The following RABGAP1 variants were observed in gnomAD, a reference collection of about 807,000 sequenced individuals.
RABGAP1 encodes the protein RAB GTPase activating protein 1, also known as rab GTPase-activating protein 1.
In RABGAP1, 23 loss-of-function variants were observed where a neutral mutation model predicts 137.6. The observed-to-expected ratio is 0.17, with a 90% CI of 0.12 to 0.24. RABGAP1 has a LOEUF of 0.24. Among genes scored for constraint, RABGAP1 ranks in the 10% least tolerant of loss-of-function variants. The pLI is 1.00. For missense variants in RABGAP1, 906 were observed against 1,275.8 expected, an observed-to-expected ratio of 0.71 and a Z score of 4.42; for synonymous variants, 451 against 450.7, an observed-to-expected ratio of 1.00 and a Z score of -0.01.
chr9:122,938,809 C>G (rs1286014804), upstream of RABGAP1: 3 of 152,166 alleles, frequency 2.0e-5, no homozygotes, highest in Non-Finnish European at 4.4e-5. Flanking sequence ...ACTGAGTCTT[C>G]AAATATAACT....
chr9:123,079,656 TCTC>T (rs1242510359), intron 19 of RABGAP1, among the ~76,000 whole-genome samples: 2 of 152,150 alleles, frequency 1.3e-5, no homozygotes, highest in East Asian at 3.9e-4. Flanking sequence ...GTTTCCCCCT[TCTC>T]CTTCCAATTC....
intron 25 of RABGAP1, among the ~76,000 whole-genome samples, chr9:123,102,089 GT>G: frequency 6.6e-6 from 1 of 152,266 alleles, no homozygotes; most frequent in South Asian, 2.1e-4. Flanking sequence ...TACATCTCAG[GT>G]TCCTTATCTA....
intron 11 of RABGAP1, among the ~76,000 whole-genome samples, chr9:123,013,077 T>C (rs1329274553): frequency 6.6e-6 from 1 of 152,184 alleles, no homozygotes; most frequent in Non-Finnish European, 1.5e-5. Flanking sequence ...ACACAGATTT[T>C]AAACTACTAC....
Position 122,997,356 on chromosome 9 carries a change from C to G in RABGAP1, c.1199C>G (p.Pro400Arg). The G allele has an allele frequency of 6.3e-7, 1 of 1,596,326 alleles. No individual in the cohort carries two copies. Among genetic ancestry groups the G allele is most frequent in the Non-Finnish European group, 8.6e-7 (1 of 1,167,502 alleles). Residue 400 changes from proline (P) to arginine (R), a missense_variant, in exon 9 of 26, where the codon CCT (proline) becomes CGT (arginine). Transcript: ENST00000373647. ...TTTCAAGTTGTAAATGAAGAAACTC[C>G]TAAAGGTGATACAGATTGTTGACAT... is the stretch of plus-strand genomic sequence containing the variant. ...PHFQVVNEET[P>R]KDKVLFMTTA... is the part of the protein sequence containing the mutation.
intron 10 of RABGAP1, among the ~76,000 whole-genome samples, 172 bp downstream of exon 10, chr9:122,998,938 C>T (rs1006298781): frequency 2.0e-5 from 3 of 152,088 alleles, no homozygotes; most frequent in African/African-American, 2.4e-5. Context: ...TATTGCTCTT[C>T]GTTTCTTCCC....
intron 12 of RABGAP1, 33 bp from the exon 13 acceptor site, chr9:123,020,276 T>C: frequency 7.0e-7 from 1 of 1,431,136 alleles, no homozygotes; most frequent in Non-Finnish European, 9.3e-7. Context: ...TTATCTTCCT[T>C]TTATGATTTA....
At chr9:123,022,306 A>G (rs954380068) in intron 13 of RABGAP1, among the ~76,000 whole-genome samples, 5 of 152,232 alleles carry the variant, frequency 3.3e-5, no homozygotes, top group Non-Finnish European at 7.3e-5. Context: ...TGGTAGTTAT[A>G]TGATATGTAA....
intron 14 of RABGAP1, among the ~76,000 whole-genome samples, chr9:123,067,774 T>C (rs1008790216): frequency 2.0e-5 from 3 of 152,204 alleles, no homozygotes; most frequent in Non-Finnish European, 4.4e-5. Flanking sequence ...CAGATTTCGT[T>C]ACAGCCAACA....
At chr9:122,991,623 A>C (rs1426568184) in intron 6 of RABGAP1, among the ~76,000 whole-genome samples, 1 of 124,580 alleles carries the variant, frequency 8.0e-6, no homozygotes, top group Non-Finnish European at 1.6e-5. Flanking sequence ...TTTTTTTTTG[A>C]GATACGCCTC....
At chr9:122,951,883 CTTTA>C (rs2131605458) in intron 1 of RABGAP1, among the ~76,000 whole-genome samples, 1 of 152,254 alleles carries the variant, frequency 6.6e-6, no homozygotes, top group African/African-American at 2.4e-5. Flanking sequence ...AATTGTGAAT[CTTTA>C]TTTAGCAATA....
chr9:123,021,973 A>C (rs1047787333), intron 13 of RABGAP1, among the ~76,000 whole-genome samples: 2 of 152,228 alleles, frequency 1.3e-5, no homozygotes, highest in Admixed American at 1.3e-4. Flanking sequence ...GATGAATTCC[A>C]GGTATAGAAA....
chr9:123,009,324 T>C (rs1039604503), intron 10 of RABGAP1, among the ~76,000 whole-genome samples: 3 of 152,244 alleles, frequency 2.0e-5, no homozygotes, highest in African/African-American at 7.2e-5. Context: ...ATCGTGGCCT[T>C]ACTTCCATGA....
At chr9:123,099,421 T>G (rs2035276831) in intron 23 of RABGAP1, 57 bp from the exon 24 acceptor site, 4 of 1,481,956 alleles carry the variant, frequency 2.7e-6, no homozygotes, top group Non-Finnish European at 3.8e-6. Flanking sequence ...CACTATGGAA[T>G]TTATGCAGAT....
At chr9:123,034,713 G>A in intron 13 of RABGAP1, 1 of 1,613,780 alleles carries the variant, frequency 6.2e-7, no homozygotes, top group South Asian at 1.1e-5. Flanking sequence ...ACATCATTGT[G>A]ATTTTTGTAT....
chr9:123,053,049 CATTTT>C (rs2033555053), intron 13 of RABGAP1, among the ~76,000 whole-genome samples: 2 of 152,192 alleles, frequency 1.3e-5, no homozygotes, highest in Non-Finnish European at 1.5e-5. Flanking sequence ...TACACACCTT[CATTTT>C]ATTTTGTCAT....
At chr9:122,955,584 C>A (rs1834472009) in intron 1 of RABGAP1, among the ~76,000 whole-genome samples, 1 of 152,108 alleles carries the variant, frequency 6.6e-6, no homozygotes, top group African/African-American at 2.4e-5. Flanking sequence ...AATGACCTTA[C>A]TTCTCTTGGG....
At chr9:123,100,720 A>G (rs983375878) in intron 24 of RABGAP1, among the ~76,000 whole-genome samples, 3 of 152,122 alleles carry the variant, frequency 2.0e-5, no homozygotes, top group Non-Finnish European at 2.9e-5. Flanking sequence ...CGCCTGGCCA[A>G]CCAGATCTGG....
intron 2 of RABGAP1, among the ~76,000 whole-genome samples, chr9:122,967,737 C>T (rs1215038934): frequency 1.3e-5 from 2 of 151,694 alleles, no homozygotes; most frequent in African/African-American, 4.8e-5. Flanking sequence ...TCTTTTTTTC[C>T]TGAAAAAAAT....
At chr9:123,036,212 A>T (rs896580491) in intron 13 of RABGAP1, among the ~76,000 whole-genome samples, 2 of 152,258 alleles carry the variant, frequency 1.3e-5, no homozygotes, top group Non-Finnish European at 2.9e-5. Context: ...TAATGTGAAC[A>T]CATAAACATT....
Sources: gnomAD v4.1 joint callset for allele counts (sites outside exome capture counted in the v4.1 genomes callset) on GRCh38, gnomAD v4.1.1 for gene constraint, MANE v1.5 for transcripts, NCBI Gene and HGNC (gene_info 2026-07-23, HGNC 2026-07-21) for gene names.